ANO2: variants seen among roughly 807,000 people sequenced by gnomAD.
The protein encoded by ANO2 is anoctamin 2.
Under a neutral mutation model 124.2 loss-of-function variants are expected in ANO2, and 101 were observed. The observed-to-expected ratio is 0.81, with a 90% confidence interval of 0.69 to 0.96. The LOEUF is 0.96. ANO2 is among the 40% of genes least tolerant of loss of function. The pLI is 0.00. For synonymous variants in ANO2, 486 were observed against 482.5 expected (o/e 1.01, Z -0.09); for missense variants, 1,293 against 1,274.5 (o/e 1.01, Z -0.22).
intron 10 of ANO2, among the ~76,000 whole-genome samples, chr12:5,761,135 C>T (rs1217317435): frequency 1.3e-5 from 2 of 151,566 alleles, no homozygotes; most frequent in East Asian, 3.9e-4. Context: ...TACCCTAGAT[C>T]TCTAATAAGC....
chr12:5,924,500 G>C (rs1336936319), intron 1 of ANO2, among the ~76,000 whole-genome samples: 4 of 152,198 alleles, frequency 2.6e-5, no homozygotes. Flanking sequence ...CACTCCCTAG[G>C]GAGACAGCAC....
chr12:5,629,450 C>A (rs1176167113), intron 16 of ANO2, among the ~76,000 whole-genome samples: 1 of 152,188 alleles, frequency 6.6e-6, no homozygotes, highest in Admixed American at 6.5e-5. Context: ...CACAATACCC[C>A]ACTGGGTCCT....
chr12:5,888,082 C>CG (rs1034982676), intron 3 of ANO2, among the ~76,000 whole-genome samples: 3 of 152,054 alleles, frequency 2.0e-5, no homozygotes, highest in Non-Finnish European at 4.4e-5. Context: ...TTCTTAAAGG[C>CG]GGGGTGTCCG....
chr12:5,707,994 G>C (rs1949677695), intron 14 of ANO2, among the ~76,000 whole-genome samples: 1 of 152,128 alleles, frequency 6.6e-6, no homozygotes, highest in Non-Finnish European at 1.5e-5. Flanking sequence ...TCTCCACATG[G>C]ATATTTTATA....
intron 16 of ANO2, among the ~76,000 whole-genome samples, chr12:5,615,917 A>G (rs1944782181): frequency 6.6e-6 from 1 of 152,148 alleles, no homozygotes; most frequent in Non-Finnish European, 1.5e-5. Flanking sequence ...GATGAGTGAA[A>G]CAAACAGCTT....
At position 5,788,278 on chromosome 12, in the gene ANO2, C is replaced by A. The variant is rs748736140; in HGVS notation, c.1055+11229G>T. On this transcript the variant is annotated intron_variant, in intron 10 of 24. Coordinates refer to ENST00000682330, the MANE Select transcript of ANO2 (RefSeq NM_001364791.2). ...AACCCAAAGACACATGAACACAATA[C>A]AGAAATGACCTTTGTTATAATCTGC... Among the ~76,000 whole-genome samples, 6 of 152,210 alleles carry A rather than the reference C, an allele frequency of 3.9e-5. No individual in the cohort carries two copies. In the South Asian group the frequency reaches 1.0e-3, roughly 26 times the overall value.
intron 16 of ANO2, among the ~76,000 whole-genome samples, chr12:5,626,501 A>G (rs1282375367): frequency 6.6e-6 from 1 of 152,184 alleles, no homozygotes; most frequent in Non-Finnish European, 1.5e-5. Context: ...GGGTGGGGCT[A>G]GTGTCCAGCA....
At chr12:5,793,807 G>T (rs1009836190) in intron 10 of ANO2, among the ~76,000 whole-genome samples, 3 of 152,188 alleles carry the variant, frequency 2.0e-5, no homozygotes, top group African/African-American at 4.8e-5. Flanking sequence ...ACTGGAGCTG[G>T]TAGCATTTTG....
intron 20 of ANO2, among the ~76,000 whole-genome samples, chr12:5,598,404 C>T (rs1943765795): frequency 2.1e-5 from 1 of 47,338 alleles, no homozygotes; most frequent in Non-Finnish European, 5.9e-5. Context: ...GTTGGCCAGG[C>T]TGGAGTAGTG....
At chr12:5,830,299 T>A (rs1304994623) in intron 6 of ANO2, 136 bp downstream of exon 6, 3 of 833,786 alleles carry the variant, frequency 3.6e-6, no homozygotes, top group Non-Finnish European at 5.6e-6. Flanking sequence ...AGCTCTTGCA[T>A]ACTCTTCTCT....
At chr12:5,574,838 T>C (rs535786418) in intron 23 of ANO2, among the ~76,000 whole-genome samples, 1 of 152,332 alleles carries the variant, frequency 6.6e-6, no homozygotes, top group South Asian at 2.1e-4. Context: ...TTGCATCACA[T>C]TCTAATTCCC....
At chr12:5,887,641 T>C (rs2137308719) in intron 3 of ANO2, among the ~76,000 whole-genome samples, 3 of 152,308 alleles carry the variant, frequency 2.0e-5, no homozygotes, top group Admixed American at 2.0e-4. Flanking sequence ...CTGAGCACTG[T>C]ATACGGCTTT....
rs1253108658 is a variant in ANO2 at position 5,873,244 on chromosome 12, T to TCTCTCTCTCTCTCTCC, written c.535-19104_535-19103insGGAGAGAGAGAGAGAG. Among the ~76,000 whole-genome samples the TCTCTCTCTCTCTCTCC allele has an allele frequency of 1.6e-3, 233 of 141,810 alleles. 10 individuals carry two copies. The highest frequency in any genetic ancestry group is 5.9e-3 in the African/African-American group (203 of 34,214). The allele number at this position is 141,810 out of a possible 152,430, so 93.0% of individuals were successfully genotyped here. A position where few individuals can be genotyped will look rare whatever the true frequency, so the allele number is the denominator to read the frequency against. On this transcript the variant is annotated intron_variant, in intron 3 of 24. Coordinates refer to ENST00000682330, the MANE Select transcript of ANO2 (RefSeq NM_001364791.2). ...CTCTCTCTCTCTCTCTCTCTCTCTC[T>TCTCTCTCTCTCTCTCC]CTGTCTGTCTCTCTCCCTTTCTCTC...
chr12:5,628,752 G>C (rs1253021394), intron 16 of ANO2, among the ~76,000 whole-genome samples: 1 of 152,228 alleles, frequency 6.6e-6, no homozygotes, highest in Non-Finnish European at 1.5e-5. Context: ...GCATGTGTGT[G>C]AGATATAGGG....
At chr12:5,643,510 G>A (rs368174975) in intron 15 of ANO2, among the ~76,000 whole-genome samples, 8 of 152,002 alleles carry the variant, frequency 5.3e-5, no homozygotes, top group Admixed American at 3.3e-4. Context: ...TTCCATAGAC[G>A]TTCTTGTACA....
chr12:5,597,215 C>T (rs191356969), intron 20 of ANO2, among the ~76,000 whole-genome samples: 1 of 152,062 alleles, frequency 6.6e-6, no homozygotes, highest in African/African-American at 2.4e-5. Flanking sequence ...AGCCTAGTAC[C>T]CATTAGTTCT....
At chr12:5,842,761 C>T (rs1954556295) in intron 4 of ANO2, among the ~76,000 whole-genome samples, 1 of 152,184 alleles carries the variant, frequency 6.6e-6, no homozygotes, top group Non-Finnish European at 1.5e-5. Flanking sequence ...CACTGAAAGG[C>T]CTCCACGTAG....
At chr12:5,866,426 T>C (rs1955429965) in intron 3 of ANO2, among the ~76,000 whole-genome samples, 1 of 152,198 alleles carries the variant, frequency 6.6e-6, no homozygotes, top group Non-Finnish European at 1.5e-5. Context: ...CACGAGCTTA[T>C]AAATTCCCTT....
At position 5,862,075 on chromosome 12, in the gene ANO2, G is replaced by GCT. The variant is rs1955287685; in HGVS notation, c.535-7936_535-7935dup. 6.6e-6 allele frequency among the ~76,000 whole-genome samples: 1 copy of GCT among 152,184 alleles called. No homozygotes were observed. Among genetic ancestry groups the GCT allele is most frequent in the African/African-American group, 2.4e-5 (1 of 41,458 alleles). Reference sequence around the variant, plus strand: ...ATGTACAGCCTCTGATTCGGAGCAGGCTCTGCCTGGTCCTCCTGAGACACA... The same window carrying GCT: ...ATGTACAGCCTCTGATTCGGAGCAGGCTCTCTGCCTGGTCCTCCTGAGACACA... On this transcript the variant is annotated intron_variant, in intron 3 of 24. Transcript: ENST00000682330. This position sits in a 1 kb window ranked among gnomAD's most constrained non-coding sequence, Gnocchi z 4.0.
Sources: allele counts gnomAD v4.1 joint callset (sites outside exome capture counted in the v4.1 genomes callset), GRCh38; gene constraint gnomAD v4.1.1; non-coding constraint Gnocchi (gnomAD v3.1); transcripts MANE v1.5; gene names NCBI Gene and HGNC (gene_info 2026-07-23, HGNC 2026-07-21).